Variants in RBMS3 observed in about 807,000 individuals in gnomAD.
RBMS3 encodes the protein RNA binding motif single stranded interacting protein 3.
In RBMS3, 27 loss-of-function variants were observed where a neutral mutation model predicts 66.8. That is an observed-to-expected ratio of 0.40 (90% confidence interval 0.30 to 0.56). The LOEUF (loss-of-function observed/expected upper bound fraction) is 0.56. RBMS3 is among the 20% of genes least tolerant of loss of function. RBMS3 has a pLI of 0.40. For synonymous variants in RBMS3, 188 were observed against 183.0 expected (o/e 1.03, Z -0.22); for missense variants, 513 against 549.5 (o/e 0.93, Z 0.66).
At position 29,930,109 on chromosome 3, in the gene RBMS3, C is replaced by CTTTTTT. The variant is rs775548425; in HGVS notation, c.940-5962_940-5957dup. On this transcript the variant is annotated intron_variant, in intron 10 of 14. Coordinates refer to ENST00000383767, the MANE Select transcript of RBMS3 (RefSeq NM_001003793.3). ...TACTTTGTGTCACTTTTCTTTCTTT[C>CTTTTTT]TTTTTTTTTTTTTTTTTTTTGAGAT... Among the ~76,000 whole-genome samples the CTTTTTT allele has an allele frequency of 4.5e-3, 194 of 43,556 alleles. 40 individuals are homozygous for CTTTTTT. The East Asian group carries it at 0.052, about 12-fold the overall frequency. 28.6% of individuals were successfully genotyped at this position (43,556 alleles called of 152,430 possible).
intron 6 of RBMS3, among the ~76,000 whole-genome samples, chr3:29,806,952 C>T (rs753010165): frequency 6.6e-6 from 1 of 151,818 alleles, no homozygotes; most frequent in Non-Finnish European, 1.5e-5. Flanking sequence ...ATATTATAAA[C>T]GTCTGAGTCC....
At chr3:29,318,040 A>G (rs2034793184) in intron 1 of RBMS3, among the ~76,000 whole-genome samples, 1 of 151,792 alleles carries the variant, frequency 6.6e-6, no homozygotes, top group Non-Finnish European at 1.5e-5. Context: ...AATAATAGGA[A>G]AGATCAAATT....
chr3:29,338,089 G>A (rs1315349262), intron 1 of RBMS3, among the ~76,000 whole-genome samples: 1 of 152,122 alleles, frequency 6.6e-6, no homozygotes, highest in African/African-American at 2.4e-5. Flanking sequence ...TAAAGATGTA[G>A]GGATCTGGGA....
chr3:29,546,833 A>G (rs549536333), intron 3 of RBMS3, among the ~76,000 whole-genome samples: 2 of 152,318 alleles, frequency 1.3e-5, no homozygotes, highest in South Asian at 2.1e-4. Flanking sequence ...TACCTGAATC[A>G]GACATAGTTG....
At chr3:29,860,303 C>A (rs2059181994) in intron 6 of RBMS3, among the ~76,000 whole-genome samples, 4 of 152,198 alleles carry the variant, frequency 2.6e-5, no homozygotes, top group Non-Finnish European at 5.9e-5. Context: ...TTGACTAAAT[C>A]TTAGCATTGC....
intron 6 of RBMS3, among the ~76,000 whole-genome samples, chr3:29,833,532 A>G (rs893120626): frequency 6.6e-6 from 1 of 152,178 alleles, no homozygotes; most frequent in Non-Finnish European, 1.5e-5. Flanking sequence ...TGAAGAATGC[A>G]TGAATAAAAT....
At chr3:29,520,455 T>C (rs149060360) in intron 3 of RBMS3, among the ~76,000 whole-genome samples, 2 of 152,300 alleles carry the variant, frequency 1.3e-5, no homozygotes, top group East Asian at 1.9e-4. Context: ...AGGGAAATAC[T>C]GGTTTTTCGT....
At chr3:29,603,813 G>A (rs1044749340) in intron 4 of RBMS3, among the ~76,000 whole-genome samples, 8 of 151,982 alleles carry the variant, frequency 5.3e-5, no homozygotes, top group African/African-American at 1.7e-4. Flanking sequence ...CATTCAACTG[G>A]CCACTATGTT....
At chr3:29,802,169 G>A (rs900037038) in intron 6 of RBMS3, among the ~76,000 whole-genome samples, 2 of 152,164 alleles carry the variant, frequency 1.3e-5, no homozygotes, top group East Asian at 3.8e-4. Flanking sequence ...GCAAGCCTGA[G>A]TATAAACCAG....
chr3:29,888,061 T>C (rs1485428409), intron 8 of RBMS3, among the ~76,000 whole-genome samples: 2 of 151,708 alleles, frequency 1.3e-5, no homozygotes, highest in African/African-American at 2.4e-5. Context: ...CTGGACCCTA[T>C]TGGAGTTGCT....
rs1432550256 is a variant in RBMS3, at chr3:30,005,740, T to C, written c.*1878T>C. Reference sequence around the variant, plus strand: ...TATTGGTGTTGCCGAAAGAACTTTTTCTTTCAGTTTAATTCTTTGAGGCAT... The same window carrying C: ...TATTGGTGTTGCCGAAAGAACTTTTCCTTTCAGTTTAATTCTTTGAGGCAT... On this transcript the variant is annotated 3_prime_UTR_variant, in exon 15 of 15. Transcript: ENST00000383767. 6.6e-6 allele frequency: 1 copy of C among 151,836 alleles called. No homozygotes were observed. The highest frequency in any genetic ancestry group is 1.5e-5 in the Non-Finnish European group (1 of 67,780). 9.4% of individuals were successfully genotyped at this position (151,836 alleles called of 1,614,324 possible). A position where few individuals can be genotyped will look rare whatever the true frequency, so the allele number is the denominator to read the frequency against.
intron 4 of RBMS3, among the ~76,000 whole-genome samples, chr3:29,636,683 T>C (rs1327232099): frequency 6.6e-6 from 1 of 151,918 alleles, no homozygotes. Flanking sequence ...TGGAAATACT[T>C]GCAATACTAG....
At chr3:29,438,674 A>T (rs1392032269) in intron 2 of RBMS3, among the ~76,000 whole-genome samples, 1 of 152,210 alleles carries the variant, frequency 6.6e-6, no homozygotes, top group Non-Finnish European at 1.5e-5. Context: ...TAGCGTAGAA[A>T]ATAGTATAGT....
At chr3:29,561,252 C>T (rs114973123) in intron 3 of RBMS3, among the ~76,000 whole-genome samples, 1,991 of 152,066 alleles carry the variant, frequency 0.013, 51 homozygotes, top group African/African-American at 0.046. Flanking sequence ...TGGTATATAC[C>T]CAGTAAAGGG....
chr3:29,578,999 C>T (rs1221566091), intron 3 of RBMS3, among the ~76,000 whole-genome samples: 2 of 137,328 alleles, frequency 1.5e-5, no homozygotes, highest in Non-Finnish European at 3.1e-5. Flanking sequence ...GACGGGGTTT[C>T]ACCTTGTTAG....
At chr3:29,709,240 T>C (rs1406528484) in intron 4 of RBMS3, among the ~76,000 whole-genome samples, 1 of 152,178 alleles carries the variant, frequency 6.6e-6, no homozygotes, top group African/African-American at 2.4e-5. Context: ...CTTAGAATTC[T>C]TGTACTTGAT....
chr3:29,648,887 T>A (rs1019978340), intron 4 of RBMS3, among the ~76,000 whole-genome samples: 1 of 152,166 alleles, frequency 6.6e-6, no homozygotes. Context: ...TTCATGTCAC[T>A]GAAATATCCA....
chr3:29,736,124 A>C (rs1449947660), intron 4 of RBMS3, among the ~76,000 whole-genome samples: 1 of 152,230 alleles, frequency 6.6e-6, no homozygotes, highest in Non-Finnish European at 1.5e-5. Flanking sequence ...TGTATGTACT[A>C]TTTTAAAGTT....
At chr3:29,997,508 A>G (rs1012997765) in intron 14 of RBMS3, among the ~76,000 whole-genome samples, 1 of 149,810 alleles carries the variant, frequency 6.7e-6, no homozygotes, top group African/African-American at 2.5e-5. Flanking sequence ...ACATTGATGC[A>G]AAAATCCTCA....
Sources: gnomAD v4.1 joint callset for allele counts (sites outside exome capture counted in the v4.1 genomes callset) on GRCh38, gnomAD v4.1.1 for gene constraint, MANE v1.5 for transcripts, NCBI Gene and HGNC (gene_info 2026-07-23, HGNC 2026-07-21) for gene names.